The following PPP2R3A variants were observed in gnomAD, a reference collection of about 807,000 sequenced individuals.
The protein encoded by PPP2R3A is serine/threonine-protein phosphatase 2A regulatory subunit B'' subunit alpha.
In PPP2R3A, 80 loss-of-function variants were observed where a neutral mutation model predicts 106.9. That is an observed-to-expected ratio of 0.75 (90% CI 0.62 to 0.90). The LOEUF (loss-of-function observed/expected upper bound fraction) is 0.90. Ranked by LOEUF, PPP2R3A falls within the 40% of genes least tolerant of loss-of-function variation. The pLI, the probability that PPP2R3A is intolerant of heterozygous loss-of-function variation, is 0.00. For synonymous variants in PPP2R3A, 483 were observed against 468.3 expected, an observed-to-expected ratio of 1.03 and a Z score of -0.41; for missense variants, 1,386 against 1,350.4, an observed-to-expected ratio of 1.03 and a Z score of -0.41.
intron 1 of PPP2R3A, among the ~76,000 whole-genome samples, chr3:135,966,169 C>G (rs1256345484): frequency 6.6e-6 from 1 of 152,146 alleles, no homozygotes; most frequent in Non-Finnish European, 1.5e-5. Context: ...CTGGGCCCTC[C>G]CACTTTTCAG....
chr3:136,060,633 T>C (rs1400592492), intron 5 of PPP2R3A, among the ~76,000 whole-genome samples: 1 of 152,118 alleles, frequency 6.6e-6, no homozygotes, highest in East Asian at 1.9e-4. Flanking sequence ...TCCTGAGGGC[T>C]CCCCAGGCAT....
At chr3:136,087,252 T>TCC (rs1447047594) in intron 8 of PPP2R3A, among the ~76,000 whole-genome samples, 1 of 107,952 alleles carries the variant, frequency 9.3e-6, no homozygotes, top group African/African-American at 5.3e-5. Context: ...CGTGTCTCTC[T>TCC]CTCTCTCTCT....
At chr3:136,053,321 GTAAA>G (rs1935744741) in intron 5 of PPP2R3A, among the ~76,000 whole-genome samples, 1 of 151,852 alleles carries the variant, frequency 6.6e-6, no homozygotes, top group Non-Finnish European at 1.5e-5. Flanking sequence ...TCTTAAAATT[GTAAA>G]TAAATAGTTT....
chr3:136,001,765 G>C lies in PPP2R3A; in HGVS notation c.267G>C (p.Gln89His). Reference protein sequence around the residue: ...LSSAEGDYPQQAFTGIPRVKR... With the variant: ...LSSAEGDYPQHAFTGIPRVKR... ...CGGCTGAAGGAGACTATCCCCAACAGGCCTTCACAGGCATACCCAGGGTCA... is the reference window on the plus strand; with the variant it reads ...CGGCTGAAGGAGACTATCCCCAACACGCCTTCACAGGCATACCCAGGGTCA... The change falls in exon 2 of 14, where the codon CAG (glutamine) becomes CAC (histidine). Residue 89 changes from glutamine (Q) to histidine (H), a missense_variant. Coordinates refer to ENST00000264977, the MANE Select transcript of PPP2R3A (RefSeq NM_002718.5). The C allele has an allele frequency of 6.2e-7, 1 of 1,614,080 alleles. No individual in the cohort carries two copies. Among genetic ancestry groups the C allele is most frequent in the Non-Finnish European group, 8.5e-7 (1 of 1,180,024 alleles).
At chr3:136,016,273 G>A (rs928545094) in intron 2 of PPP2R3A, among the ~76,000 whole-genome samples, 1 of 152,096 alleles carries the variant, frequency 6.6e-6, no homozygotes, top group African/African-American at 2.4e-5. Context: ...ATGTGCTGAT[G>A]AACAGAATGT....
chr3:136,118,971 T>A (rs1235240456), intron 13 of PPP2R3A, among the ~76,000 whole-genome samples: 1 of 152,078 alleles, frequency 6.6e-6, no homozygotes, highest in East Asian at 1.9e-4. Flanking sequence ...CTTCAAACTA[T>A]ACTACAAGGC....
At position 136,082,320 on chromosome 3, in the gene PPP2R3A, CCTATGAACATTT is replaced by C; in HGVS notation, c.2693_2704del (p.Glu898_Tyr901del). The C allele has an allele frequency of 6.2e-7, 1 of 1,604,492 alleles. No individual in the cohort carries two copies. The highest frequency in any genetic ancestry group is 8.5e-7 in the Non-Finnish European group (1 of 1,171,284). On this transcript the variant is annotated inframe_deletion, in exon 8 of 14. Transcript: ENST00000264977. ...ATAAACCAAATTACAGATTACTTCTCCTATGAACATTTCTATGTTATTTATTGTAAATTCTGG... is the reference window on the plus strand; with the variant it reads ...ATAAACCAAATTACAGATTACTTCTCCTATGTTATTTATTGTAAATTCTGG...
intron 13 of PPP2R3A, among the ~76,000 whole-genome samples, chr3:136,133,950 T>C (rs1440767306): frequency 6.9e-6 from 1 of 144,830 alleles, no homozygotes; most frequent in African/African-American, 2.6e-5. Flanking sequence ...ATTGGTAAAA[T>C]CTATGGTATG....
intron 3 of PPP2R3A, among the ~76,000 whole-genome samples, chr3:136,034,898 G>C (rs1935034568): frequency 6.6e-6 from 1 of 152,072 alleles, no homozygotes; most frequent in African/African-American, 2.4e-5. Flanking sequence ...ATAAATTTGG[G>C]AGCTCCAGTG....
At chr3:136,113,023 C>T (rs1277471353) in intron 13 of PPP2R3A, among the ~76,000 whole-genome samples, 4 of 151,840 alleles carry the variant, frequency 2.6e-5, no homozygotes. Flanking sequence ...ATGCCAGCTA[C>T]TCGGGAGGCT....
chr3:136,058,182 G>A (rs968172726), intron 5 of PPP2R3A, among the ~76,000 whole-genome samples: 3 of 152,088 alleles, frequency 2.0e-5, no homozygotes, highest in South Asian at 4.1e-4. Context: ...TTCTAGTCAG[G>A]GCAGTCAGGC....
chr3:136,107,271 C>T (rs1428648137), intron 13 of PPP2R3A, among the ~76,000 whole-genome samples: 2 of 150,650 alleles, frequency 1.3e-5, no homozygotes, highest in African/African-American at 5.0e-5. Flanking sequence ...TGAACAGGCA[C>T]TATTCATATA....
At chr3:136,003,617 G>T in intron 2 of PPP2R3A, 124 bp downstream of exon 2, 1 of 774,026 alleles carries the variant, frequency 1.3e-6, no homozygotes, top group Non-Finnish European at 2.0e-6. Context: ...CCTACACTAG[G>T]AATGATCTCA....
Position 136,080,010 on chromosome 3 carries a change from A to G in PPP2R3A, c.2631+1557A>G, listed in dbSNP as rs533717952. Among the ~76,000 whole-genome samples the G allele has an allele frequency of 1.1e-4, 17 of 152,154 alleles. No individual in the cohort carries two copies. The South Asian group carries it at 3.5e-3, about 32-fold the overall frequency. On this transcript the variant is annotated intron_variant, in intron 7 of 13. Coordinates refer to ENST00000264977, the MANE Select transcript of PPP2R3A (RefSeq NM_002718.5). ...AGAAGTCACTATTCTTCACTCTACCATTTTACCCCCTTTCCCCAGAGGGGG... is the reference window on the plus strand; with the variant it reads ...AGAAGTCACTATTCTTCACTCTACCGTTTTACCCCCTTTCCCCAGAGGGGG...
chr3:136,087,160 C>T (rs1021836179), intron 8 of PPP2R3A, among the ~76,000 whole-genome samples: 1 of 152,070 alleles, frequency 6.6e-6, no homozygotes, highest in African/African-American at 2.4e-5. Flanking sequence ...GCCGAGATCA[C>T]GCCATTGCAC....
chr3:136,041,074 T>A, intron 4 of PPP2R3A, 112 bp downstream of exon 4: 1 of 770,102 alleles, frequency 1.3e-6, no homozygotes, highest in Admixed American at 3.4e-5. Flanking sequence ...CTTTACTCTT[T>A]ATATCAACAA....
chr3:136,108,617 T>C (rs539049644), intron 13 of PPP2R3A, among the ~76,000 whole-genome samples: 13 of 151,666 alleles, frequency 8.6e-5, no homozygotes, highest in Non-Finnish European at 1.8e-4. Context: ...ATCCAGGAAA[T>C]ACTGATAATG....
rs997569921 is a variant in PPP2R3A at position 136,002,526 on chromosome 3, C to G, written c.1028C>G (p.Ser343Cys). The G allele has an allele frequency of 6.2e-7, 1 of 1,614,068 alleles. No individual in the cohort carries two copies. The highest frequency in any genetic ancestry group is 8.5e-7 in the Non-Finnish European group (1 of 1,179,942). The change falls in exon 2 of 14, where the codon TCT becomes TGT. Residue 343 changes from serine (S) to cysteine (C), a missense_variant. By Grantham distance (112) the Ser-to-Cys change is moderately radical. Coordinates refer to ENST00000264977, the MANE Select transcript of PPP2R3A (RefSeq NM_002718.5). ...KYEDVVQLSA[S>C]DSGRFQTIEL... ...GAAGATGTTGTCCAGCTCTCAGCTT[C>G]TGACTCTGGACGATTTCAAACTATT...
At chr3:135,990,748 G>A (rs1043630144) in intron 1 of PPP2R3A, among the ~76,000 whole-genome samples, 1 of 152,106 alleles carries the variant, frequency 6.6e-6, no homozygotes, top group East Asian at 1.9e-4. Context: ...ATAGCCTCAC[G>A]GATTCTCTTC....
Sources: gnomAD v4.1 joint callset for allele counts (sites outside exome capture counted in the v4.1 genomes callset) on GRCh38, gnomAD v4.1.1 for gene constraint, MANE v1.5 for transcripts, NCBI Gene and HGNC (gene_info 2026-07-23, HGNC 2026-07-21) for gene names.